ORC4: variants seen among roughly 807,000 people sequenced by gnomAD.
ORC4 encodes the protein origin recognition complex subunit 4, also known as origin recognition complex, subunit 4 homolog.
A neutral mutation model predicts 63.9 loss-of-function variants in ORC4; 55 were observed. That is an observed-to-expected ratio of 0.86 (90% CI 0.69 to 1.08). The LOEUF is 1.08. ORC4 is among the 50% of genes least tolerant of loss of function. The probability of loss-of-function intolerance (pLI) is 0.00; values close to 1 mark genes in which losing one functional copy is unlikely to be tolerated. For missense variants in ORC4, 511 were observed against 504.4 expected (o/e 1.01, Z -0.13); for synonymous variants, 150 against 168.5 (o/e 0.89, Z 0.85).
chr2:147,999,382 T>C (rs1343296745), intron 1 of ORC4, among the ~76,000 whole-genome samples: 1 of 152,226 alleles, frequency 6.6e-6, no homozygotes, highest in Non-Finnish European at 1.5e-5. Context: ...TTCTTTCACA[T>C]AGTTCTCATA....
At chr2:147,988,675 T>A (rs760837566) in intron 1 of ORC4, among the ~76,000 whole-genome samples, 2 of 152,124 alleles carry the variant, frequency 1.3e-5, no homozygotes, top group Non-Finnish European at 2.9e-5. Context: ...TTTAAAGATG[T>A]TATTATTTTT....
chr2:147,940,548 C>T (rs1185645397), intron 10 of ORC4, among the ~76,000 whole-genome samples: 2 of 151,654 alleles, frequency 1.3e-5, no homozygotes, highest in East Asian at 1.9e-4. Context: ...CATCAATCAA[C>T]GAGTGGATAA....
chr2:147,947,410 C>T (rs17231966), intron 9 of ORC4, among the ~76,000 whole-genome samples: 1,952 of 152,022 alleles, frequency 0.013, 49 homozygotes, highest in African/African-American at 0.044. Flanking sequence ...TTTTTGACAG[C>T]GTAAGATTAA....
chr2:147,941,466 T>C (rs1573749214), intron 10 of ORC4, among the ~76,000 whole-genome samples: 1 of 151,994 alleles, frequency 6.6e-6, no homozygotes, highest in African/African-American at 2.4e-5. Context: ...CCATCAAGCA[T>C]AATCTTTAAC....
chr2:147,965,723 A>T (rs1015760189), intron 4 of ORC4, among the ~76,000 whole-genome samples: 2 of 152,224 alleles, frequency 1.3e-5, no homozygotes, highest in African/African-American at 4.8e-5. Flanking sequence ...AAATGGACCT[A>T]AAATACATCT....
chr2:148,021,457 C>G, upstream of ORC4: 1 of 576,308 alleles, frequency 1.7e-6, no homozygotes. Flanking sequence ...CCCTTTGCTG[C>G]TGCTGTTGCT....
At chr2:147,991,974 T>C (rs1691641844) in intron 1 of ORC4, among the ~76,000 whole-genome samples, 1 of 152,246 alleles carries the variant, frequency 6.6e-6, no homozygotes, top group East Asian at 1.9e-4. Context: ...CTTTAAAGTA[T>C]ACGTCTTAAA....
chr2:147,987,169 C>T (rs1166690466), intron 1 of ORC4, among the ~76,000 whole-genome samples: 1 of 146,166 alleles, frequency 6.8e-6, no homozygotes. Context: ...CTTTTTTTAA[C>T]CTAAGATTGA....
intron 9 of ORC4, 102 bp downstream of exon 9, chr2:147,947,949 T>C (rs1415867903): frequency 6.7e-6 from 6 of 894,196 alleles, no homozygotes; most frequent in Non-Finnish European, 1.1e-5. Context: ...CCTTCAGCAA[T>C]ATTAGAAACT....
chr2:148,017,255 G>A (rs893279089), intron 1 of ORC4, among the ~76,000 whole-genome samples: 18 of 152,190 alleles, frequency 1.2e-4, no homozygotes, highest in African/African-American at 4.1e-4. Context: ...TAATCATAAT[G>A]AAAAGCTGAG....
intron 1 of ORC4, chr2:147,981,805 G>C (rs752937648): frequency 6.6e-6 from 1 of 152,076 alleles, no homozygotes; most frequent in Non-Finnish European, 1.5e-5. Flanking sequence ...AAATTGTTAC[G>C]TATTTAGCAA....
chr2:147,952,856 A>G (rs1689038740), intron 7 of ORC4, among the ~76,000 whole-genome samples: 1 of 151,594 alleles, frequency 6.6e-6, no homozygotes, highest in Admixed American at 6.6e-5. Context: ...GAGAAATCCC[A>G]TCTCTACTAA....
intron 1 of ORC4, among the ~76,000 whole-genome samples, chr2:148,011,308 G>A (rs1329802065): frequency 1.3e-5 from 2 of 152,190 alleles, no homozygotes; most frequent in Non-Finnish European, 2.9e-5. Context: ...GGGATGTAAG[G>A]ATGGTTCAAC....
intron 1 of ORC4, among the ~76,000 whole-genome samples, chr2:147,986,969 T>G (rs1691240654): frequency 6.6e-6 from 1 of 152,168 alleles, no homozygotes; most frequent in African/African-American, 2.4e-5. Flanking sequence ...GTTGCTAATT[T>G]CATTCTTCAG....
rs2105244917 is a variant in ORC4 at position 147,934,817 on chromosome 2, T to C, written c.*693A>G. The C allele has an allele frequency of 6.6e-6, 1 of 152,320 alleles. No individual in the cohort carries two copies. The highest frequency in any genetic ancestry group is 2.1e-4 in the South Asian group (1 of 4,828). The allele number at this position is 152,320 out of a possible 1,614,324, so 9.4% of individuals were successfully genotyped here. Reference sequence around the variant, plus strand: ...CTTTATACAATGTCATTGACCAAAATGTTACGTGGTGCCATGACTATACTT... The same window carrying C: ...CTTTATACAATGTCATTGACCAAAACGTTACGTGGTGCCATGACTATACTT... On this transcript the variant is annotated 3_prime_UTR_variant, in exon 14 of 14. Transcript: ENST00000392857.
intron 1 of ORC4, among the ~76,000 whole-genome samples, chr2:147,999,397 T>C (rs1692170346): frequency 6.6e-6 from 1 of 152,214 alleles, no homozygotes; most frequent in Non-Finnish European, 1.5e-5. Flanking sequence ...CTCATACTAC[T>C]GGCAATCAGA....
intron 2 of ORC4, among the ~76,000 whole-genome samples, chr2:147,974,601 C>T (rs1690425646): frequency 6.7e-6 from 1 of 150,370 alleles, no homozygotes; most frequent in Non-Finnish European, 1.5e-5. Flanking sequence ...CACCACTGCA[C>T]TCCAGCTGGG....
intron 13 of ORC4, among the ~76,000 whole-genome samples, chr2:147,936,156 G>C (rs1409695390): frequency 1.3e-5 from 2 of 152,116 alleles, no homozygotes; most frequent in Admixed American, 1.3e-4. Flanking sequence ...AGCTGTAACA[G>C]AGGGAGGCAG....
chr2:147,943,801 C>T (rs1688504442), intron 9 of ORC4, among the ~76,000 whole-genome samples: 1 of 152,110 alleles, frequency 6.6e-6, no homozygotes. Flanking sequence ...GAAACTACTA[C>T]ACAGTCATAC....
Sources: gnomAD v4.1 joint callset for allele counts (sites outside exome capture counted in the v4.1 genomes callset) on GRCh38, gnomAD v4.1.1 for gene constraint, MANE v1.5 for transcripts, NCBI Gene and HGNC (gene_info 2026-07-23, HGNC 2026-07-21) for gene names.